Variants in NFKB1 observed in about 807,000 individuals in gnomAD.
The protein encoded by NFKB1 is nuclear factor kappa B subunit 1.
In NFKB1, 9 loss-of-function variants were observed where a neutral mutation model predicts 105.1. The ratio of observed to expected loss-of-function variants is 0.09; its 90% CI spans 0.05 to 0.15. The LOEUF is 0.15. Among genes scored for constraint, NFKB1 ranks in the 10% least tolerant of loss-of-function variants. The pLI is 1.00. For synonymous variants in NFKB1, 440 were observed against 442.2 expected, an observed-to-expected ratio of 1.00 and a Z score of 0.06; for missense variants, 830 against 1,203.7, an observed-to-expected ratio of 0.69 and a Z score of 4.59.
intron 14 of NFKB1, 122 bp downstream of exon 14, chr4:102,596,454 G>T: frequency 1.4e-6 from 1 of 708,470 alleles, no homozygotes; most frequent in Non-Finnish European, 2.1e-6. Flanking sequence ...ACTCTTCAAA[G>T]TTCTGTATGC....
intron 5 of NFKB1, among the ~76,000 whole-genome samples, chr4:102,554,492 C>CTAT (rs1390079517): frequency 6.6e-6 from 1 of 152,118 alleles, no homozygotes; most frequent in Non-Finnish European, 1.5e-5. Context: ...TTCAGACTCT[C>CTAT]TATAAACTGT....
At chr4:102,533,000 G>GGTAT (rs1377362911) in intron 3 of NFKB1, among the ~76,000 whole-genome samples, 13 of 151,962 alleles carry the variant, frequency 8.6e-5, no homozygotes. Context: ...ATACCATTAG[G>GGTAT]GTATGGATTA....
At chr4:102,523,935 C>T (rs758325110) in intron 1 of NFKB1, among the ~76,000 whole-genome samples, 1 of 151,868 alleles carries the variant, frequency 6.6e-6, no homozygotes, top group Non-Finnish European at 1.5e-5. Flanking sequence ...AGCTACAATA[C>T]TAATTCTATG....
intron 6 of NFKB1, among the ~76,000 whole-genome samples, chr4:102,573,766 CTG>C (rs1398215615): frequency 2.0e-5 from 3 of 151,986 alleles, no homozygotes; most frequent in Non-Finnish European, 4.4e-5. Flanking sequence ...AGTTTTATTA[CTG>C]TGTCTGCACG....
At chr4:102,518,661 G>C (rs1740362921) in intron 1 of NFKB1, among the ~76,000 whole-genome samples, 1 of 152,142 alleles carries the variant, frequency 6.6e-6, no homozygotes, top group Non-Finnish European at 1.5e-5. Context: ...GGGCTGCCTA[G>C]TTCATCTGGC....
At position 102,529,782 on chromosome 4, in the gene NFKB1, T is replaced by C. The variant is rs1022561856; in HGVS notation, c.40-54T>C. The C allele has an allele frequency of 3.7e-6, 5 of 1,354,720 alleles. No homozygotes were observed. The African/African-American group carries it at 7.4e-5, about 20-fold the overall frequency. 83.9% of individuals were successfully genotyped at this position (1,354,720 alleles called of 1,614,324 possible). On this transcript the variant is annotated intron_variant, in intron 2 of 23. Transcript: ENST00000226574. ...TTTAGGTGTCCCAACTTCAAATTTT[T>C]CATATAATATAGGAAAAATAATGAT...
intron 1 of NFKB1, among the ~76,000 whole-genome samples, chr4:102,518,614 CA>C (rs1281929930): frequency 6.6e-6 from 1 of 152,134 alleles, no homozygotes; most frequent in Admixed American, 6.5e-5. Context: ...CACCACAAAG[CA>C]AATTAAAAGA....
intron 11 of NFKB1, among the ~76,000 whole-genome samples, chr4:102,591,817 A>G (rs1177842243): frequency 6.6e-6 from 1 of 152,262 alleles, no homozygotes; most frequent in African/African-American, 2.4e-5. Flanking sequence ...ATTGTTTAAG[A>G]AATACATTCT....
At chr4:102,520,641 C>T (rs1269495764) in intron 1 of NFKB1, among the ~76,000 whole-genome samples, 1 of 151,896 alleles carries the variant, frequency 6.6e-6, no homozygotes, top group Non-Finnish European at 1.5e-5. Flanking sequence ...TTGTAGTGCA[C>T]CAAATTGATT....
chr4:102,613,892 A>G (rs1728681037), intron 23 of NFKB1, among the ~76,000 whole-genome samples: 1 of 152,186 alleles, frequency 6.6e-6, no homozygotes, highest in African/African-American at 2.4e-5. Context: ...ATTTACCTTA[A>G]AGAGAGAACC....
chr4:102,604,422 G>C (rs1439866093), intron 16 of NFKB1, among the ~76,000 whole-genome samples: 2 of 152,144 alleles, frequency 1.3e-5, no homozygotes, highest in Non-Finnish European at 2.9e-5. Context: ...CATAACCTCA[G>C]AACAGTGTCA....
At chr4:102,606,364 C>G (rs1727725133) in intron 16 of NFKB1, 132 bp from the exon 17 acceptor site, 1 of 853,100 alleles carries the variant, frequency 1.2e-6, no homozygotes, top group Non-Finnish European at 1.9e-6. Flanking sequence ...GTGCCAAGGT[C>G]AGAAGTTAAT....
intron 1 of NFKB1, among the ~76,000 whole-genome samples, chr4:102,510,527 G>A (rs1213141644): frequency 6.6e-6 from 1 of 152,134 alleles, no homozygotes; most frequent in Non-Finnish European, 1.5e-5. Context: ...ATCAAGATAG[G>A]TCAACTTAAG....
Position 102,612,614 on chromosome 4 carries a change from C to T in NFKB1, c.2592+8C>T. The T allele has an allele frequency of 3.1e-6, 5 of 1,610,502 alleles. No homozygotes were observed. The highest frequency in any genetic ancestry group is 4.2e-6 in the Non-Finnish European group (5 of 1,177,990). ...CTTATGGACAACTATGAGGTAACACCTTACCTTACAGATTTAGCAATTTTC... is the reference window on the plus strand; with the variant it reads ...CTTATGGACAACTATGAGGTAACACTTTACCTTACAGATTTAGCAATTTTC... On this transcript the variant is annotated splice_region_variant and intron_variant, in intron 22 of 23. Transcript: ENST00000226574.
intron 15 of NFKB1, among the ~76,000 whole-genome samples, chr4:102,598,752 A>G (rs1189492817): frequency 6.6e-6 from 1 of 152,228 alleles, no homozygotes; most frequent in Non-Finnish European, 1.5e-5. Flanking sequence ...ATTTCCAGGG[A>G]CCTGTTAAAT....
At chr4:102,565,687 C>T (rs73834812) in intron 5 of NFKB1, among the ~76,000 whole-genome samples, 3,475 of 152,174 alleles carry the variant, frequency 0.023, 64 homozygotes, top group African/African-American at 0.058. Context: ...CTCTCCCTCC[C>T]TCCCTCCGTC....
At chr4:102,542,566 C>T (rs1041276315) in intron 5 of NFKB1, among the ~76,000 whole-genome samples, 1 of 152,058 alleles carries the variant, frequency 6.6e-6, no homozygotes. Flanking sequence ...CCCACTTATC[C>T]ATCACTTTGT....
chr4:102,543,025 A>G (rs1437163471), intron 5 of NFKB1, among the ~76,000 whole-genome samples: 22 of 152,144 alleles, frequency 1.4e-4, no homozygotes. Context: ...TTTCCATTCT[A>G]ATTTCATCAC....
At chr4:102,581,360 A>G (rs931894930) in intron 9 of NFKB1, among the ~76,000 whole-genome samples, 1 of 152,262 alleles carries the variant, frequency 6.6e-6, no homozygotes, top group Non-Finnish European at 1.5e-5. Context: ...AACTGAAAAT[A>G]TAAATAAGTA....
Sources: allele counts gnomAD v4.1 joint callset (sites outside exome capture counted in the v4.1 genomes callset), GRCh38; gene constraint gnomAD v4.1.1; transcripts MANE v1.5; gene names NCBI Gene and HGNC (gene_info 2026-07-23, HGNC 2026-07-21).